CPSF2: variants seen among roughly 807,000 people sequenced by gnomAD.
The protein encoded by CPSF2 is cleavage and polyadenylation specificity factor subunit 2.
In CPSF2, 51 loss-of-function variants were observed where a neutral mutation model predicts 84.2. That is an observed-to-expected ratio of 0.61 (90% CI 0.48 to 0.77). The LOEUF is 0.77. CPSF2 is among the 30% of genes least tolerant of loss of function. CPSF2 has a pLI of 0.00. For synonymous variants in CPSF2, 286 were observed against 311.9 expected (o/e 0.92, Z 0.87); for missense variants, 641 against 929.4 (o/e 0.69, Z 4.03).
At chr14:92,137,131 T>C (rs1014362480) in intron 6 of CPSF2, among the ~76,000 whole-genome samples, 3 of 152,086 alleles carry the variant, frequency 2.0e-5, no homozygotes, top group Non-Finnish European at 4.4e-5. Flanking sequence ...AGTTGCAAGA[T>C]GGACAAAAGT....
chr14:92,141,853 A>G (rs2069082531), intron 7 of CPSF2, among the ~76,000 whole-genome samples: 1 of 152,278 alleles, frequency 6.6e-6, no homozygotes, highest in South Asian at 2.1e-4. Context: ...CTGGTCATAC[A>G]ATTTTCTCAG....
intron 10 of CPSF2, among the ~76,000 whole-genome samples, chr14:92,154,805 A>G (rs1411866978): frequency 2.6e-5 from 4 of 152,198 alleles, no homozygotes; most frequent in Non-Finnish European, 4.4e-5. Context: ...CCTACTGTGT[A>G]TCCAGAGTAT....
In CPSF2 at chr14:92,171,411, C is replaced by T. The variant is rs1386854480; in HGVS notation, c.*9667C>T. The T allele has an allele frequency of 6.6e-6, 1 of 152,178 alleles. No homozygotes were observed. The highest frequency in any genetic ancestry group is 1.5e-5 in the Non-Finnish European group (1 of 68,046). The allele number at this position is 152,178 out of a possible 1,614,324, so 9.4% of individuals were successfully genotyped here. On this transcript the variant is annotated 3_prime_UTR_variant, in exon 16 of 16. Coordinates refer to ENST00000298875, the MANE Select transcript of CPSF2 (RefSeq NM_017437.3). Reference sequence around the variant, plus strand: ...AAGTTATGATTTATTTTGATGCCCCCATTGTCCAAGATTTGACTAGCGAGA... The same window carrying T: ...AAGTTATGATTTATTTTGATGCCCCTATTGTCCAAGATTTGACTAGCGAGA...
At chr14:92,156,723 C>A in intron 12 of CPSF2, 92 bp downstream of exon 12, 1 of 872,880 alleles carries the variant, frequency 1.1e-6, no homozygotes, top group Non-Finnish European at 1.7e-6. Flanking sequence ...AGCAAAATTT[C>A]TGAATATTCT....
chr14:92,135,111 C>A (rs554356494), intron 5 of CPSF2, among the ~76,000 whole-genome samples: 1 of 152,282 alleles, frequency 6.6e-6, no homozygotes, highest in East Asian at 1.9e-4. Flanking sequence ...AATCTAATCT[C>A]TAGCCTTGTA....
In CPSF2 at chr14:92,164,413, A is replaced by G. The variant is rs1341330203; in HGVS notation, c.*2669A>G. 1 of 152,212 alleles carries G rather than the reference A, an allele frequency of 6.6e-6. No individual in the cohort carries two copies. The highest frequency in any genetic ancestry group is 1.5e-5 in the Non-Finnish European group (1 of 68,040). 9.4% of individuals were successfully genotyped at this position (152,212 alleles called of 1,614,324 possible). A position where few individuals can be genotyped will look rare whatever the true frequency, so the allele number is the denominator to read the frequency against. ...TATTACTAAAATTTCTCAAATGAAG[A>G]CTTTGTTTTAGCTTCAATTACTTCA... On this transcript the variant is annotated 3_prime_UTR_variant, in exon 16 of 16. Transcript: ENST00000298875.
chr14:92,135,287 A>G (rs2068984382), intron 5 of CPSF2, 80 bp from the exon 6 acceptor site: 1 of 1,306,474 alleles, frequency 7.7e-7, no homozygotes, highest in South Asian at 1.5e-5. Flanking sequence ...ATTACCTATT[A>G]AAATATTATA....
chr14:92,131,217 C>A, intron 3 of CPSF2, 84 bp downstream of exon 3: 1 of 1,126,488 alleles, frequency 8.9e-7, no homozygotes, highest in Non-Finnish European at 1.2e-6. Context: ...GTGATAAATA[C>A]TGCCTTTTTA....
At position 92,122,853 on chromosome 14, in the gene CPSF2, C is replaced by CTTT. The variant is rs71123318; in HGVS notation, c.-94+738_-94+740dup. 9.2e-3 allele frequency among the ~76,000 whole-genome samples: 1,294 copies of CTTT among 141,190 alleles called. 20 individuals carry two copies. Among genetic ancestry groups the CTTT allele is most frequent in the African/African-American group, 0.031 (1,184 of 38,394 alleles). The allele number at this position is 141,190 out of a possible 152,430, so 92.6% of individuals were successfully genotyped here. ...CCTTTAACCCCTTTCTTTTTTCTTT[C>CTTT]TTTTTTTTTTTTTTTAATAAAGACG... is the stretch of plus-strand genomic sequence containing the variant. On this transcript the variant is annotated intron_variant, in intron 1 of 15. Transcript: ENST00000298875.
rs2069386950 is a variant in CPSF2 at position 92,162,398 on chromosome 14, T to TAAATTATAACACCATCATTTGAGTATAC, written c.*656_*683dup. 1 of 152,634 alleles carries TAAATTATAACACCATCATTTGAGTATAC rather than the reference T, an allele frequency of 6.6e-6. No homozygotes were observed. Among genetic ancestry groups the TAAATTATAACACCATCATTTGAGTATAC allele is most frequent in the Non-Finnish European group, 1.5e-5 (1 of 68,052 alleles). 9.5% of individuals were successfully genotyped at this position (152,634 alleles called of 1,614,324 possible). A position where few individuals can be genotyped will look rare whatever the true frequency, so the allele number is the denominator to read the frequency against. ...AAGATTTTGTTGTGGCATTTCAATG[T>TAAATTATAACACCATCATTTGAGTATAC]AAATTATAACACCATCATTTGAGTA... On this transcript the variant is annotated 3_prime_UTR_variant, in exon 16 of 16. Coordinates refer to ENST00000298875, the MANE Select transcript of CPSF2 (RefSeq NM_017437.3).
At position 92,135,427 on chromosome 14, in the gene CPSF2, T is replaced by C; in HGVS notation, c.476T>C (p.Ile159Thr). 1 of 1,613,616 alleles carries C rather than the reference T, an allele frequency of 6.2e-7. No homozygotes were observed. Among genetic ancestry groups the C allele is most frequent in the Non-Finnish European group, 8.5e-7 (1 of 1,179,744 alleles). ...LPAGHMIGGT[I>T]WKIVKDGEEE... ...GCTGGTCATATGATAGGTGGAACAA[T>C]ATGGAAAATAGTCAAAGATGGAGAA... Residue 159 changes from isoleucine to threonine, a missense_variant, in exon 6 of 16, where the codon ATA (isoleucine) becomes ACA (threonine). Ile to Thr is a moderately conservative substitution (Grantham distance 89). This residue lies in a region of CPSF2 where 211 missense variants were observed against 375.7 expected (regional missense o/e 0.56). Transcript: ENST00000298875.
In CPSF2 at chr14:92,157,537, A is replaced by G; in HGVS notation, c.1596-122A>G. On this transcript the variant is annotated intron_variant, in intron 12 of 15. Coordinates refer to ENST00000298875, the MANE Select transcript of CPSF2 (RefSeq NM_017437.3). This position sits in a 1 kb window ranked among gnomAD's most constrained non-coding sequence, Gnocchi z 4.0. ...AATAAAAACAAAAATAAAATAAATCATACAGATACTATAACATGTGTATTT... is the reference window on the plus strand; with the variant it reads ...AATAAAAACAAAAATAAAATAAATCGTACAGATACTATAACATGTGTATTT... 1.5e-6 allele frequency: 1 copy of G among 663,640 alleles called. No individual in the cohort carries two copies. Among genetic ancestry groups the G allele is most frequent in the Non-Finnish European group, 2.6e-6 (1 of 388,384 alleles). The allele number at this position is 663,640 out of a possible 1,614,324, so 41.1% of individuals were successfully genotyped here.
At chr14:92,152,112 A>G (rs1260357504) in intron 9 of CPSF2, among the ~76,000 whole-genome samples, 1 of 149,790 alleles carries the variant, frequency 6.7e-6, no homozygotes, top group East Asian at 1.9e-4. Flanking sequence ...ATGTGGTTTT[A>G]TTTATTATTT....
chr14:92,145,293 G>T (rs1203976922), intron 9 of CPSF2, among the ~76,000 whole-genome samples: 1 of 152,040 alleles, frequency 6.6e-6, no homozygotes, highest in Non-Finnish European at 1.5e-5. Flanking sequence ...GAGTGCAGTG[G>T]CACCATCATA....
At position 92,123,423 on chromosome 14, in the gene CPSF2, G is replaced by A. The variant is rs141686421; in HGVS notation, c.-94+1295G>A. Among the ~76,000 whole-genome samples, 499 of 149,716 alleles carry A rather than the reference G, an allele frequency of 3.3e-3. 2 individuals are homozygous for A. The highest frequency in any genetic ancestry group is 5.7e-3 in the Non-Finnish European group (386 of 67,376). On this transcript the variant is annotated intron_variant, in intron 1 of 15. Coordinates refer to ENST00000298875, the MANE Select transcript of CPSF2 (RefSeq NM_017437.3). ...CTGGCCGATTTATTATTTGAGACCG[G>A]GTCTCGCTCTGTCCACCCAGGCTGG...
chr14:92,142,932 T>A (rs115567392), intron 8 of CPSF2, 72 bp from the exon 9 acceptor site: 1 of 1,298,794 alleles, frequency 7.7e-7, no homozygotes, highest in African/African-American at 1.5e-5. Flanking sequence ...CTTGAATTCC[T>A]TGACTATTAG....
At chr14:92,145,730 A>G (rs2069134826) in intron 9 of CPSF2, among the ~76,000 whole-genome samples, 1 of 152,266 alleles carries the variant, frequency 6.6e-6, no homozygotes, top group Non-Finnish European at 1.5e-5. Context: ...CATTTGAGGA[A>G]TTAGTAAAAG....
At chr14:92,145,148 C>G (rs936615832) in intron 9 of CPSF2, among the ~76,000 whole-genome samples, 1 of 152,190 alleles carries the variant, frequency 6.6e-6, no homozygotes, top group Non-Finnish European at 1.5e-5. Flanking sequence ...AAAGGTTTAG[C>G]TGACTAAACC....
chr14:92,129,463 G>C (rs2068887324), intron 2 of CPSF2, among the ~76,000 whole-genome samples: 1 of 152,170 alleles, frequency 6.6e-6, no homozygotes, highest in African/African-American at 2.4e-5. Context: ...GCCCCTGTCA[G>C]CCTCTTATGA....
Sources: allele counts gnomAD v4.1 joint callset (sites outside exome capture counted in the v4.1 genomes callset), GRCh38; gene constraint gnomAD v4.1.1; regional missense constraint gnomAD v4.1.1; non-coding constraint Gnocchi (gnomAD v3.1); transcripts MANE v1.5; gene names NCBI Gene and HGNC (gene_info 2026-07-23, HGNC 2026-07-21).